UBE2H: variants seen among roughly 807,000 people sequenced by gnomAD.
The protein encoded by UBE2H is ubiquitin conjugating enzyme E2 H, also known as ubiquitin-conjugating enzyme E2 H.
In UBE2H, 3 loss-of-function variants were observed where a neutral mutation model predicts 29.0. The ratio of observed to expected loss-of-function variants is 0.10; its 90% CI spans 0.05 to 0.27. The LOEUF (loss-of-function observed/expected upper bound fraction) is 0.27, where lower values mean the gene tolerates loss of function less well. Among genes scored for constraint, UBE2H ranks in the 10% least tolerant of loss-of-function variants. The pLI is 1.00. For synonymous variants in UBE2H, 69 were observed against 82.9 expected, an observed-to-expected ratio of 0.83 and a Z score of 0.91; for missense variants, 68 against 228.2, an observed-to-expected ratio of 0.30 and a Z score of 4.52.
At chr7:129,844,382 C>G (rs145192712) in intron 5 of UBE2H, among the ~76,000 whole-genome samples, 3 of 152,196 alleles carry the variant, frequency 2.0e-5, no homozygotes, top group African/African-American at 7.2e-5. Flanking sequence ...GATAAATACA[C>G]TGGCAGAGAA....
chr7:129,930,204 C>A (rs1187137678), intron 1 of UBE2H, among the ~76,000 whole-genome samples: 1 of 152,060 alleles, frequency 6.6e-6, no homozygotes, highest in African/African-American at 2.4e-5. Flanking sequence ...TCTTGTTGCC[C>A]ACGCTGCAGT....
intron 1 of UBE2H, among the ~76,000 whole-genome samples, chr7:129,927,417 G>A (rs1390393626): frequency 1.3e-5 from 2 of 152,154 alleles, no homozygotes; most frequent in Non-Finnish European, 2.9e-5. Flanking sequence ...GTGGACTCCT[G>A]TAATCCCAGC....
At chr7:129,938,372 T>C (rs1224808051) in intron 1 of UBE2H, among the ~76,000 whole-genome samples, 1 of 119,978 alleles carries the variant, frequency 8.3e-6, no homozygotes, top group African/African-American at 3.2e-5. Context: ...ATGGCACCAC[T>C]GCACTCCAGC....
At chr7:129,871,574 C>T (rs1806031250) in intron 3 of UBE2H, among the ~76,000 whole-genome samples, 1 of 152,084 alleles carries the variant, frequency 6.6e-6, no homozygotes, top group Non-Finnish European at 1.5e-5. Context: ...ATTAGCTTGG[C>T]GTGTTGGCAC....
intron 3 of UBE2H, among the ~76,000 whole-genome samples, chr7:129,871,183 A>G (rs185565367): frequency 6.6e-6 from 1 of 152,342 alleles, no homozygotes; most frequent in African/African-American, 2.4e-5. Context: ...AGCACCCAGA[A>G]TAACGCCCAG....
intron 1 of UBE2H, among the ~76,000 whole-genome samples, chr7:129,923,245 C>G (rs1353581877): frequency 1.3e-5 from 2 of 152,066 alleles, no homozygotes; most frequent in Non-Finnish European, 2.9e-5. Context: ...TCTGAATTAC[C>G]CTTATCAACT....
chr7:129,944,750 ACG>A (rs1491346521), intron 1 of UBE2H, among the ~76,000 whole-genome samples: 1,406 of 121,418 alleles, frequency 0.012, 5 homozygotes, highest in African/African-American at 0.016. Context: ...ACACACACAC[ACG>A]CACGCACGCA....
At chr7:129,837,861 A>C (rs1329228783) in intron 6 of UBE2H, among the ~76,000 whole-genome samples, 1 of 152,204 alleles carries the variant, frequency 6.6e-6, no homozygotes, top group Non-Finnish European at 1.5e-5. Context: ...AGGGGTCCGT[A>C]CGCTGGAGTG....
At chr7:129,875,838 A>G (rs747086544) in intron 3 of UBE2H, among the ~76,000 whole-genome samples, 1 of 152,232 alleles carries the variant, frequency 6.6e-6, no homozygotes, top group African/African-American at 2.4e-5. Flanking sequence ...AACCTCGAGA[A>G]GTGTGAGCTA....
At chr7:129,865,098 A>C (rs1049879308) in intron 3 of UBE2H, 3 of 432,118 alleles carry the variant, frequency 6.9e-6, no homozygotes, top group African/African-American at 6.1e-5. Flanking sequence ...ACTTAATGTA[A>C]AACTATTATT....
chr7:129,900,598 T>C (rs1456848633), intron 1 of UBE2H, among the ~76,000 whole-genome samples: 1 of 152,188 alleles, frequency 6.6e-6, no homozygotes, highest in Non-Finnish European at 1.5e-5. Flanking sequence ...AATCACTATT[T>C]AGAGATTATA....
At chr7:129,868,903 C>T (rs1805970185) in intron 3 of UBE2H, among the ~76,000 whole-genome samples, 1 of 151,088 alleles carries the variant, frequency 6.6e-6, no homozygotes, top group Non-Finnish European at 1.5e-5. Context: ...CAATATAGAC[C>T]ATACTCCTGA....
chr7:129,930,195 CTT>C (rs778140402), intron 1 of UBE2H, among the ~76,000 whole-genome samples: 4 of 152,084 alleles, frequency 2.6e-5, no homozygotes, highest in African/African-American at 4.8e-5. Flanking sequence ...GGGTTTCGCT[CTT>C]GTTGCCCACG....
At chr7:129,949,636 C>T (rs1807833619) in intron 1 of UBE2H, among the ~76,000 whole-genome samples, 1 of 152,142 alleles carries the variant, frequency 6.6e-6, no homozygotes, top group Non-Finnish European at 1.5e-5. Context: ...CCTACCAACC[C>T]GTCACAAAAG....
At chr7:129,867,803 C>T (rs2116339384) in intron 3 of UBE2H, among the ~76,000 whole-genome samples, 1 of 140,678 alleles carries the variant, frequency 7.1e-6, no homozygotes, top group South Asian at 2.3e-4. Context: ...AACATCCTGA[C>T]TGCATTTGGT....
At chr7:129,891,213 T>C (rs1420720888) in intron 1 of UBE2H, among the ~76,000 whole-genome samples, 2 of 151,976 alleles carry the variant, frequency 1.3e-5, no homozygotes, top group Non-Finnish European at 2.9e-5. Flanking sequence ...GAGACGGAGT[T>C]TCACTCTTGT....
chr7:129,903,889 G>C (rs1366758676), intron 1 of UBE2H, among the ~76,000 whole-genome samples: 1 of 152,174 alleles, frequency 6.6e-6, no homozygotes, highest in Non-Finnish European at 1.5e-5. Context: ...CGGCAATAGA[G>C]TGACACCCTG....
At chr7:129,858,532 ACTAT>A (rs996811832) in intron 4 of UBE2H, among the ~76,000 whole-genome samples, 4 of 152,228 alleles carry the variant, frequency 2.6e-5, no homozygotes, top group Non-Finnish European at 2.9e-5. Context: ...ATTTTGCCTT[ACTAT>A]CTATCAAGAA....
chr7:129,925,305 C>G (rs1046402408), intron 1 of UBE2H, among the ~76,000 whole-genome samples: 14 of 151,880 alleles, frequency 9.2e-5, no homozygotes, highest in African/African-American at 3.4e-4. Flanking sequence ...CAAGATTACG[C>G]CACTGCACTC....
Sources: allele counts gnomAD v4.1 joint callset (sites outside exome capture counted in the v4.1 genomes callset), GRCh38; gene constraint gnomAD v4.1.1; transcripts MANE v1.5; gene names NCBI Gene and HGNC (gene_info 2026-07-23, HGNC 2026-07-21).